Variants in OCRL observed in about 807,000 individuals in gnomAD.
OCRL encodes the protein OCRL inositol polyphosphate-5-phosphatase.
A neutral mutation model predicts 78.9 loss-of-function variants in OCRL; 8 were observed. The ratio of observed to expected loss-of-function variants is 0.10; its 90% CI spans 0.06 to 0.18. The LOEUF (loss-of-function observed/expected upper bound fraction) is 0.18. OCRL is among the 10% of genes least tolerant of loss of function. OCRL has a pLI of 1.00. For synonymous variants in OCRL, 240 were observed against 235.4 expected (o/e 1.02, Z -0.18); for missense variants, 454 against 696.7 (o/e 0.65, Z 3.92).
intron 3 of OCRL, among the ~76,000 whole-genome samples, chrX:129,547,441 T>C (rs1172427962): frequency 1.3e-3 from 129 of 102,676 alleles, no homozygotes; most frequent in African/African-American, 4.2e-3. Context: ...AGGAGAATGG[T>C]GTGAACCTGG....
At chrX:129,589,633 A>G (rs1485791437) in intron 22 of OCRL, 1 of 432,092 alleles carries the variant, frequency 2.3e-6, no homozygotes. Flanking sequence ...CTGGTCATTG[A>G]GTGGACAGGG....
intron 22 of OCRL, 74 bp from the exon 23 acceptor site, chrX:129,589,771 C>T: frequency 1.4e-6 from 1 of 697,096 alleles, no homozygotes; most frequent in Non-Finnish European, 2.3e-6. Flanking sequence ...ACTACTATTA[C>T]AGCAGCTGTA....
chrX:129,569,501 G>A lies in OCRL; in HGVS notation c.1602+102G>A, dbSNP rs993527676. Reference sequence around the variant, plus strand: ...ATCAGTAATTCAGCAAGCCATAAATGTTCCATAACCAAATAACCATTTGCA... The same window carrying A: ...ATCAGTAATTCAGCAAGCCATAAATATTCCATAACCAAATAACCATTTGCA... On this transcript the variant is annotated intron_variant, in intron 15 of 23. Coordinates refer to ENST00000371113, the MANE Select transcript of OCRL (RefSeq NM_000276.4). The A allele has an allele frequency of 9.7e-6, 9 of 924,219 alleles. No individual in the cohort carries two copies. In the African/African-American group the frequency reaches 1.4e-4, roughly 14 times the overall value. The allele number at this position is 924,219 out of a possible 1,213,427, so 76.2% of individuals were successfully genotyped here.
At chrX:129,585,461 A>C (rs1936498807) in intron 19 of OCRL, among the ~76,000 whole-genome samples, 1 of 112,251 alleles carries the variant, frequency 8.9e-6, no homozygotes, top group South Asian at 3.7e-4. Context: ...CATAATTTCT[A>C]TATGGCAAGT....
intron 18 of OCRL, among the ~76,000 whole-genome samples, chrX:129,577,950 A>G (rs1177953377): frequency 9.0e-6 from 1 of 111,576 alleles, no homozygotes; most frequent in Non-Finnish European, 1.9e-5. Context: ...CTCAGACATT[A>G]TTTCCCAGCT....
In OCRL at chrX:129,573,266, A is replaced by G. The variant is rs765283782; in HGVS notation, c.1603-1874A>G. On this transcript the variant is annotated intron_variant, in intron 15 of 23. Coordinates refer to ENST00000371113, the MANE Select transcript of OCRL (RefSeq NM_000276.4). ...GTTGTGGGATACAAGTGCAGAACGT[A>G]TAGGCTTGTTACATAGGTATGTGTG... 2.7e-5 allele frequency among the ~76,000 whole-genome samples: 3 copies of G among 111,887 alleles called. No individual in the cohort carries two copies. The South Asian group carries it at 1.1e-3, about 42-fold the overall frequency.
At chrX:129,560,491 C>A in intron 8 of OCRL, 59 bp from the exon 9 acceptor site, 1 of 770,929 alleles carries the variant, frequency 1.3e-6, no homozygotes, top group Non-Finnish European at 2.0e-6. Flanking sequence ...AAAGAAAGAA[C>A]TTCTGTTGGT....
chrX:129,547,734 G>A (rs777542964), intron 3 of OCRL, among the ~76,000 whole-genome samples: 1 of 110,789 alleles, frequency 9.0e-6, no homozygotes, highest in Non-Finnish European at 1.9e-5. Context: ...TTGTACCTGA[G>A]TAATGGAGCC....
intron 2 of OCRL, among the ~76,000 whole-genome samples, chrX:129,544,697 C>T (rs1196055365): frequency 9.0e-6 from 1 of 111,341 alleles, no homozygotes; most frequent in Non-Finnish European, 1.9e-5. Context: ...GCTATATACT[C>T]TGTAATTCAT....
At chrX:129,543,886 A>G (rs1935842570) in intron 2 of OCRL, among the ~76,000 whole-genome samples, 1 of 112,458 alleles carries the variant, frequency 8.9e-6, no homozygotes, top group Non-Finnish European at 1.9e-5. Flanking sequence ...TTGAGCATCT[A>G]TTAGGCTGCA....
intron 18 of OCRL, among the ~76,000 whole-genome samples, chrX:129,579,419 G>A (rs531696056): frequency 3.4e-4 from 38 of 111,216 alleles, no homozygotes; most frequent in African/African-American, 1.2e-3. Context: ...TGTATTATTT[G>A]CTCTAAAATT....
chrX:129,571,365 T>G (rs1021959355), intron 15 of OCRL, among the ~76,000 whole-genome samples: 4 of 91,200 alleles, frequency 4.4e-5, no homozygotes, highest in African/African-American at 8.8e-5. Context: ...GTTTTTTGGT[T>G]TTTTTTTTTT....
At chrX:129,563,305 A>T (rs1472046318) in intron 12 of OCRL, among the ~76,000 whole-genome samples, 1 of 111,921 alleles carries the variant, frequency 8.9e-6, no homozygotes, top group Non-Finnish European at 1.9e-5. Flanking sequence ...ATTGGATTTT[A>T]AAGACTTAGG....
intron 4 of OCRL, 74 bp from the exon 5 acceptor site, chrX:129,557,251 A>G (rs1936066978): frequency 1.1e-6 from 1 of 874,553 alleles, no homozygotes; most frequent in African/African-American, 2.0e-5. Flanking sequence ...TGTTAACCTG[A>G]TAAGTTGAGA....
At chrX:129,550,880 G>A (rs1317185009) in intron 4 of OCRL, among the ~76,000 whole-genome samples, 1 of 109,894 alleles carries the variant, frequency 9.1e-6, no homozygotes, top group African/African-American at 3.3e-5. Flanking sequence ...ATTTCAGTGA[G>A]AATGCCTCAA....
chrX:129,558,505 A>T, intron 6 of OCRL, 128 bp from the exon 7 acceptor site: 1 of 779,656 alleles, frequency 1.3e-6, no homozygotes, highest in Non-Finnish European at 1.9e-6. Context: ...AGTAATTTCT[A>T]CCCTTATGAT....
chrX:129,575,883 C>T lies in OCRL; in HGVS notation c.1714-14C>T, dbSNP rs368679674. 5.0e-6 allele frequency: 6 copies of T among 1,209,717 alleles called. No individual in the cohort carries two copies. Among genetic ancestry groups the T allele is most frequent in the Non-Finnish European group, 6.7e-6 (6 of 894,490 alleles). ...ACTAGTGATGCATGTTTGTGTCTGTCTGTTATTCCCCAGTTTGTGTTTGAA... is the reference window on the plus strand; with the variant it reads ...ACTAGTGATGCATGTTTGTGTCTGTTTGTTATTCCCCAGTTTGTGTTTGAA... On this transcript the variant is annotated splice_polypyrimidine_tract_variant and intron_variant, in intron 16 of 23. Transcript: ENST00000371113.
At chrX:129,559,531 A>G (rs886091864) in intron 8 of OCRL, among the ~76,000 whole-genome samples, 13 of 111,768 alleles carry the variant, frequency 1.2e-4, no homozygotes, top group Non-Finnish European at 5.6e-5. Flanking sequence ...TAATAATGCC[A>G]TGTCTACTAA....
At position 129,592,522 on chromosome X, in the gene OCRL, AT is replaced by A. The variant is rs906615628; in HGVS notation, c.*2259del. 5.4e-5 allele frequency: 6 copies of A among 111,466 alleles called. No homozygotes were observed. Among genetic ancestry groups the A allele is most frequent in the South Asian group, 3.8e-4 (1 of 2,637 alleles). 9.2% of individuals were successfully genotyped at this position (111,466 alleles called of 1,213,427 possible). ...TCTTTTTTATTATAATTTATTGCAA[AT>A]TTTTTTCTGAATAAATATATGTTGT... On this transcript the variant is annotated 3_prime_UTR_variant, in exon 24 of 24. Transcript: ENST00000371113.
Sources: allele counts gnomAD v4.1 joint callset (sites outside exome capture counted in the v4.1 genomes callset), GRCh38; gene constraint gnomAD v4.1.1; transcripts MANE v1.5; gene names NCBI Gene and HGNC (gene_info 2026-07-23, HGNC 2026-07-21).